The following MSI2 variants were observed in gnomAD, a reference collection of about 807,000 sequenced individuals.
MSI2 encodes musashi RNA binding protein 2, also known as RNA-binding protein Musashi homolog 2.
MSI2 carries 17 observed loss-of-function variants against 45.6 expected under a neutral mutation model. The observed-to-expected ratio is 0.37, with a 90% confidence interval of 0.26 to 0.56. The LOEUF (loss-of-function observed/expected upper bound fraction) is 0.56. Ranked by LOEUF, MSI2 falls within the 20% of genes least tolerant of loss-of-function variation. The pLI is 0.77. For missense variants in MSI2, 293 were observed against 444.2 expected (o/e 0.66, Z 3.06); for synonymous variants, 156 against 158.2 (o/e 0.99, Z 0.11).
At chr17:57,590,719 G>A (rs1904749837) in intron 7 of MSI2, among the ~76,000 whole-genome samples, 1 of 152,182 alleles carries the variant, frequency 6.6e-6, no homozygotes, top group Non-Finnish European at 1.5e-5. Context: ...GAAGTGTGGG[G>A]TGCAGTTAAG....
chr17:57,262,098 AT>A, intron 4 of MSI2, 52 bp from the exon 5 acceptor site: 1 of 1,569,490 alleles, frequency 6.4e-7, no homozygotes, highest in Non-Finnish European at 8.8e-7. Flanking sequence ...TTAATCATAT[AT>A]TTTTTCCTTA....
chr17:57,294,123 G>A lies in MSI2; in HGVS notation c.312+31931G>A, dbSNP rs185364027. Among the ~76,000 whole-genome samples, 174 of 152,204 alleles carry A rather than the reference G, an allele frequency of 1.1e-3. 1 individual carries two copies. Among genetic ancestry groups the A allele is most frequent in the Non-Finnish European group, 1.1e-3 (74 of 68,004 alleles). On this transcript the variant is annotated intron_variant, in intron 5 of 13. Coordinates refer to ENST00000284073, the MANE Select transcript of MSI2 (RefSeq NM_138962.4). Reference sequence around the variant, plus strand: ...GCAGATGTCCCTATGTTCTGGAGGCGGACTTGTTTATTTTTGACAGAATGA... The same window carrying A: ...GCAGATGTCCCTATGTTCTGGAGGCAGACTTGTTTATTTTTGACAGAATGA...
chr17:57,478,637 C>T (rs942277702), intron 6 of MSI2, among the ~76,000 whole-genome samples: 2 of 152,142 alleles, frequency 1.3e-5, no homozygotes, highest in African/African-American at 2.4e-5. Flanking sequence ...AGAGATATGA[C>T]GAAGGCCACC....
At position 57,632,154 on chromosome 17, in the gene MSI2, G is replaced by A. The variant is rs983742869; in HGVS notation, c.727+4851G>A. ...GTAGAGCCTCCTCAGGGGAAGCTAG[G>A]AAGAAGACATCAAATGTTTTTAAGT... On this transcript the variant is annotated intron_variant, in intron 10 of 13. Coordinates refer to ENST00000284073, the MANE Select transcript of MSI2 (RefSeq NM_138962.4). The A allele has an allele frequency of 2.5e-6, 3 of 1,195,258 alleles. No individual in the cohort carries two copies. In the African/African-American group the frequency reaches 4.7e-5, roughly 19 times the overall value. 74.0% of individuals were successfully genotyped at this position (1,195,258 alleles called of 1,614,324 possible). A position where few individuals can be genotyped will look rare whatever the true frequency, so the allele number is the denominator to read the frequency against.
chr17:57,495,560 T>C (rs2085963313), intron 6 of MSI2, among the ~76,000 whole-genome samples: 1 of 116,992 alleles, frequency 8.5e-6, no homozygotes, highest in Non-Finnish European at 1.8e-5. Context: ...AAAGAAAGCT[T>C]TACTTGGCTT....
rs940269554 is a variant in MSI2 at position 57,627,635 on chromosome 17, A to C, written c.727+332A>C. On this transcript the variant is annotated intron_variant, in intron 10 of 13. Transcript: ENST00000284073. The surrounding 1 kb of genome is among the most constrained non-coding windows in gnomAD (Gnocchi z 4.6). ...TCACTGGGGACTGAACTCTAGGCCC[A>C]GGGCTTTCTTTCACCCTCTACCACC... is the stretch of plus-strand genomic sequence containing the variant. 2.7e-6 allele frequency: 1 copy of C among 374,362 alleles called. No homozygotes were observed. Among genetic ancestry groups the C allele is most frequent in the Admixed American group, 4.3e-5 (1 of 23,498 alleles). The allele number at this position is 374,362 out of a possible 1,614,324, so 23.2% of individuals were successfully genotyped here.
intron 5 of MSI2, among the ~76,000 whole-genome samples, chr17:57,297,924 C>T (rs1911120368): frequency 6.6e-6 from 1 of 152,226 alleles, no homozygotes; most frequent in African/African-American, 2.4e-5. Flanking sequence ...GCTCTGCTTA[C>T]AGTTCCCTTG....
In MSI2 at chr17:57,330,075, C is replaced by T. The variant is rs190469201; in HGVS notation, c.312+67883C>T. Among the ~76,000 whole-genome samples the T allele has an allele frequency of 1.9e-3, 293 of 151,830 alleles. 1 individual carries two copies. The highest frequency in any genetic ancestry group is 0.01 in the Middle Eastern group (3 of 292). ...GTTGTTGAATAATGACTTGCGAGGG[C>T]GGATGGTAGAGTTTCCAACTTCTTT... On this transcript the variant is annotated intron_variant, in intron 5 of 13. Transcript: ENST00000284073.
At chr17:57,424,514 A>G (rs1567815919) in intron 6 of MSI2, among the ~76,000 whole-genome samples, 1 of 152,144 alleles carries the variant, frequency 6.6e-6, no homozygotes, top group East Asian at 1.9e-4. Context: ...AGATCCTTTG[A>G]AAGTTTTCTC....
chr17:57,619,421 TG>T (rs1053761296), intron 9 of MSI2, among the ~76,000 whole-genome samples: 12 of 152,154 alleles, frequency 7.9e-5, no homozygotes, highest in Non-Finnish European at 1.8e-4. Flanking sequence ...TCATAGAGTC[TG>T]GGGGTGGTTG....
intron 5 of MSI2, among the ~76,000 whole-genome samples, chr17:57,323,961 T>C (rs1302017868): frequency 2.6e-5 from 4 of 152,194 alleles, no homozygotes; most frequent in Admixed American, 2.6e-4. Flanking sequence ...TGCAGCTGTA[T>C]GTTAGGTGAC....
intron 6 of MSI2, among the ~76,000 whole-genome samples, chr17:57,402,126 A>G (rs2084004023): frequency 6.6e-6 from 1 of 152,202 alleles, no homozygotes; most frequent in Admixed American, 6.5e-5. Context: ...ACCGACTGAT[A>G]GGACATGTCA....
At chr17:57,513,579 T>C (rs1191071800) in intron 6 of MSI2, among the ~76,000 whole-genome samples, 1 of 152,226 alleles carries the variant, frequency 6.6e-6, no homozygotes, top group African/African-American at 2.4e-5. Context: ...ACCAAGCAGA[T>C]GGGATTCTGC....
At chr17:57,699,798 G>A in the MSI2 span, among the ~76,000 whole-genome samples, 1 of 152,232 alleles carries the variant, frequency 6.6e-6, no homozygotes, top group African/African-American at 2.4e-5. Flanking sequence ...CCACGGAAGA[G>A]GGGATGGGGC....
chr17:57,380,983 A>G (rs1473356282), intron 5 of MSI2, among the ~76,000 whole-genome samples: 1 of 151,768 alleles, frequency 6.6e-6, no homozygotes, highest in Non-Finnish European at 1.5e-5. Context: ...CCCATCTTAC[A>G]CATACCCCCA....
intron 6 of MSI2, among the ~76,000 whole-genome samples, chr17:57,493,379 T>C (rs554405790): frequency 6.6e-6 from 1 of 152,100 alleles, no homozygotes; most frequent in African/African-American, 2.4e-5. Context: ...AAGCGATGAA[T>C]GAAATTGCTG....
intron 7 of MSI2, among the ~76,000 whole-genome samples, chr17:57,571,762 C>T (rs1250941566): frequency 2.0e-5 from 3 of 152,220 alleles, no homozygotes; most frequent in Non-Finnish European, 4.4e-5. Flanking sequence ...CACATCCAGA[C>T]ACTCCTCTGT....
chr17:57,512,756 TCA>T (rs2086381792), intron 6 of MSI2, among the ~76,000 whole-genome samples: 2 of 152,272 alleles, frequency 1.3e-5, no homozygotes, highest in African/African-American at 4.8e-5. Context: ...CCATTGTGTC[TCA>T]TCCTGGGTAC....
intron 6 of MSI2, among the ~76,000 whole-genome samples, chr17:57,471,550 C>T (rs1294767827): frequency 1.3e-5 from 2 of 152,064 alleles, no homozygotes; most frequent in Non-Finnish European, 2.9e-5. Context: ...CACAGGTGAC[C>T]TGTTGATCAT....
Sources: allele counts gnomAD v4.1 joint callset (sites outside exome capture counted in the v4.1 genomes callset), GRCh38; gene constraint gnomAD v4.1.1; non-coding constraint Gnocchi (gnomAD v3.1); transcripts MANE v1.5; gene names NCBI Gene and HGNC (gene_info 2026-07-23, HGNC 2026-07-21).